Variants in SLC26A5 observed in about 807,000 individuals in gnomAD.
SLC26A5 encodes the protein prestin.
A neutral mutation model predicts 81.0 loss-of-function variants in SLC26A5; 51 were observed. That is an observed-to-expected ratio of 0.63 (90% CI 0.50 to 0.80). The LOEUF (loss-of-function observed/expected upper bound fraction) is 0.80. Ranked by LOEUF, SLC26A5 falls within the 30% of genes least tolerant of loss-of-function variation. SLC26A5 has a pLI of 0.00. For synonymous variants in SLC26A5, 325 were observed against 332.8 expected, an observed-to-expected ratio of 0.98 and a Z score of 0.25; for missense variants, 771 against 905.8, an observed-to-expected ratio of 0.85 and a Z score of 1.91.
At chr7:103,404,664 G>A (rs530479581) in intron 8 of SLC26A5, among the ~76,000 whole-genome samples, 1 of 152,204 alleles carries the variant, frequency 6.6e-6, no homozygotes, top group South Asian at 2.1e-4. Context: ...GTGTCTTGGG[G>A]TTGCTCTTCT....
intron 7 of SLC26A5, among the ~76,000 whole-genome samples, chr7:103,410,048 C>A (rs1336200132): frequency 6.6e-6 from 1 of 152,066 alleles, no homozygotes; most frequent in Non-Finnish European, 1.5e-5. Context: ...TACCTTCATG[C>A]CTTTAAATTA....
chr7:103,370,287 G>T (rs1201052539), downstream of SLC26A5, among the ~76,000 whole-genome samples: 5 of 152,014 alleles, frequency 3.3e-5, no homozygotes. Context: ...TTTCATTTTA[G>T]AATTTAAATT....
At chr7:103,436,824 C>A (rs1826485623) in intron 2 of SLC26A5, among the ~76,000 whole-genome samples, 1 of 152,122 alleles carries the variant, frequency 6.6e-6, no homozygotes, top group African/African-American at 2.4e-5. Context: ...AAAGTTGAGA[C>A]CTAAAACTGT....
intron 10 of SLC26A5, 53 bp from the exon 11 acceptor site, chr7:103,391,788 A>T: frequency 1.4e-6 from 2 of 1,421,476 alleles, no homozygotes; most frequent in Non-Finnish European, 2.0e-6. Context: ...TTCAGGAAAA[A>T]AAAGCATAAT....
intron 12 of SLC26A5, among the ~76,000 whole-genome samples, 163 bp downstream of exon 12, chr7:103,390,266 T>C (rs1822538147): frequency 6.6e-6 from 1 of 152,134 alleles, no homozygotes; most frequent in African/African-American, 2.4e-5. Flanking sequence ...CAGCTGTCAG[T>C]AGGTTATAGA....
intron 2 of SLC26A5, among the ~76,000 whole-genome samples, chr7:103,439,824 C>A (rs147236923): frequency 6.6e-6 from 1 of 152,150 alleles, no homozygotes; most frequent in South Asian, 2.1e-4. Context: ...CGTGAGCCAC[C>A]GCAGTTGGCC....
downstream of SLC26A5, among the ~76,000 whole-genome samples, chr7:103,371,377 T>G (rs189571251): frequency 5.3e-3 from 802 of 150,722 alleles, 8 homozygotes; most frequent in African/African-American, 0.018. Context: ...CAGGCTGGAG[T>G]GCAGTGGCGC....
downstream of SLC26A5, among the ~76,000 whole-genome samples, chr7:103,371,516 G>A (rs1216752736): frequency 1.3e-5 from 2 of 151,130 alleles, no homozygotes; most frequent in Admixed American, 6.7e-5. Flanking sequence ...TAGCAGAGAC[G>A]GGGTTTCACC....
At chr7:103,410,140 TAAAG>T in intron 7 of SLC26A5, among the ~76,000 whole-genome samples, 1 of 152,324 alleles carries the variant, frequency 6.6e-6, no homozygotes, top group Non-Finnish European at 1.5e-5. Flanking sequence ...AGTCACCAAA[TAAAG>T]ACCTAGCAAA....
chr7:103,387,571 T>C (rs1822294265), intron 14 of SLC26A5, among the ~76,000 whole-genome samples: 1 of 152,176 alleles, frequency 6.6e-6, no homozygotes, highest in Admixed American at 6.5e-5. Context: ...GTAGGAAGTA[T>C]TAGTCTCATT....
intron 14 of SLC26A5, among the ~76,000 whole-genome samples, chr7:103,382,508 C>T (rs931604242): frequency 9.9e-5 from 15 of 151,866 alleles, no homozygotes; most frequent in Admixed American, 3.9e-4. Flanking sequence ...CGCCACCATG[C>T]CCAGCTAATT....
rs143797712 is a variant in SLC26A5, at chr7:103,382,818, C to T, written c.1515-2269G>A. Among the ~76,000 whole-genome samples the T allele has an allele frequency of 2.4e-3, 371 of 152,200 alleles. 3 individuals carry two copies. Among genetic ancestry groups the T allele is most frequent in the African/African-American group, 8.5e-3 (355 of 41,528 alleles). On this transcript the variant is annotated intron_variant, in intron 14 of 19. Coordinates refer to ENST00000306312, the MANE Select transcript of SLC26A5 (RefSeq NM_198999.3). ...AACATTATTAACAATCCTGCCATCA[C>T]GTAGATGAGAAATTGAGGCTCAGTG...
intron 2 of SLC26A5, among the ~76,000 whole-genome samples, chr7:103,436,984 C>T (rs1249830463): frequency 6.6e-6 from 1 of 152,106 alleles, no homozygotes; most frequent in Non-Finnish European, 1.5e-5. Context: ...AAGGAAACAA[C>T]AAAATGAGGA....
At chr7:103,404,771 A>C (rs1325109770) in intron 8 of SLC26A5, among the ~76,000 whole-genome samples, 2 of 152,094 alleles carry the variant, frequency 1.3e-5, no homozygotes, top group Admixed American at 1.3e-4. Flanking sequence ...TGTCCTGAAG[A>C]GTGTTTTCCA....
At chr7:103,426,053 A>C (rs1562800103) in intron 2 of SLC26A5, among the ~76,000 whole-genome samples, 2 of 152,246 alleles carry the variant, frequency 1.3e-5, no homozygotes, top group Non-Finnish European at 2.9e-5. Context: ...AATTCTGTGC[A>C]ATGCATTATA....
chr7:103,362,059 T>C, intron 19 of SLC26A5: 2 of 1,613,122 alleles, frequency 1.2e-6, no homozygotes, highest in Non-Finnish European at 8.5e-7. Context: ...AGGTGGCACC[T>C]ACTGACATTG....
Position 103,397,978 on chromosome 7 carries a change from A to G in SLC26A5, c.925T>C (p.Leu309=). ...MGTGISAGFN[L]KESYNVDVVG... ...ACATCCACATTGTATGATTCTTTCA[A>G]GTTAAACCCAGCTGAAATGCCAGTT... The change falls in exon 9 of 20, where the codon TTG becomes CTG. Residue 309 remains leucine (L), a synonymous_variant. Coordinates refer to ENST00000306312, the MANE Select transcript of SLC26A5 (RefSeq NM_198999.3). 6.2e-7 allele frequency: 1 copy of G among 1,614,114 alleles called. No homozygotes were observed. Among genetic ancestry groups the G allele is most frequent in the Non-Finnish European group, 8.5e-7 (1 of 1,180,016 alleles).
chr7:103,393,232 G>A (rs779871766), intron 9 of SLC26A5, among the ~76,000 whole-genome samples, 166 bp from the exon 10 acceptor site: 1 of 152,208 alleles, frequency 6.6e-6, no homozygotes, highest in African/African-American at 2.4e-5. Context: ...CCTCCTTGAC[G>A]CAGAGAAATT....
intron 2 of SLC26A5, among the ~76,000 whole-genome samples, chr7:103,440,135 G>A (rs1826770066): frequency 6.6e-6 from 1 of 152,054 alleles, no homozygotes; most frequent in African/African-American, 2.4e-5. Context: ...AAGAATGTAA[G>A]CTACATGAAG....
Sources: allele counts gnomAD v4.1 joint callset (sites outside exome capture counted in the v4.1 genomes callset), GRCh38; gene constraint gnomAD v4.1.1; transcripts MANE v1.5; gene names NCBI Gene and HGNC (gene_info 2026-07-23, HGNC 2026-07-21).